Variants in FBL observed in about 807,000 individuals in gnomAD.
FBL encodes fibrillarin rRNA 2'-O-methyltransferase, also known as rRNA 2'-O-methyltransferase fibrillarin.
In FBL, 10 loss-of-function variants were observed where a neutral mutation model predicts 42.2. The ratio of observed to expected loss-of-function variants is 0.24; its 90% CI spans 0.15 to 0.40. The LOEUF (loss-of-function observed/expected upper bound fraction) is 0.40. FBL is among the 10% of genes least tolerant of loss of function. FBL has a pLI of 1.00. For missense variants in FBL, 351 were observed against 439.2 expected, an observed-to-expected ratio of 0.80 and a Z score of 1.79; for synonymous variants, 165 against 165.4, an observed-to-expected ratio of 1.00 and a Z score of 0.02.
chr19:39,842,319 C>A (rs560795921), intron 1 of FBL, among the ~76,000 whole-genome samples: 1 of 152,316 alleles, frequency 6.6e-6, no homozygotes, highest in South Asian at 2.1e-4. Context: ...ATCTCCTGAC[C>A]TCTTGATCCG....
chr19:39,844,282 C>A (rs995927152), intron 1 of FBL, among the ~76,000 whole-genome samples: 2 of 152,110 alleles, frequency 1.3e-5, no homozygotes, highest in Non-Finnish European at 2.9e-5. Flanking sequence ...TCAACCCAGG[C>A]CTAACAGAAA....
At chr19:39,835,589 T>C (rs974134330) in intron 7 of FBL, among the ~76,000 whole-genome samples, 4 of 152,134 alleles carry the variant, frequency 2.6e-5, no homozygotes, top group Non-Finnish European at 5.9e-5. Context: ...CTGCATAAAA[T>C]GGGCTAAGAC....
chr19:39,840,378 C>CCGAAGCTCAGCCGGCTCCCTGCCT lies in FBL; in HGVS notation c.283+12_283+35dup, dbSNP rs752353507. The CCGAAGCTCAGCCGGCTCCCTGCCT allele has an allele frequency of 1.9e-6, 3 of 1,613,114 alleles. No homozygotes were observed. The East Asian group carries it at 6.7e-5, about 36-fold the overall frequency. ...TGAGGACCCCCAGCCTCTCCCTGCC[C>CCGAAGCTCAGCCGGCTCCCTGCCT]CGAAGCTCAGCCGGCTCCCTGCCTT... On this transcript the variant is annotated intron_variant, in intron 3 of 8. Transcript: ENST00000221801. This position sits in a 1 kb window ranked among gnomAD's most constrained non-coding sequence, Gnocchi z 4.5.
chr19:39,845,494 T>C (rs1255401836), intron 1 of FBL, among the ~76,000 whole-genome samples: 1 of 152,196 alleles, frequency 6.6e-6, no homozygotes, highest in African/African-American at 2.4e-5. Context: ...CACACTGAAC[T>C]GAGGCCCTTC....
At chr19:39,842,512 C>T (rs1047510471) in intron 1 of FBL, among the ~76,000 whole-genome samples, 11 of 152,054 alleles carry the variant, frequency 7.2e-5, no homozygotes, top group African/African-American at 2.4e-4. Flanking sequence ...TAAAAATGAA[C>T]GGTTTCATTT....
Position 39,840,311 on chromosome 19 carries a change from T to G in FBL, c.300A>C (p.Arg100=). ...PHRHEGVFIC[R]GKEDALVTKN... ...TGGTGACCAGTGCATCTTCCTTTCC[T>G]CGACAAATGAAGACACCTGGGTGAG... The change falls in exon 4 of 9, where the codon CGA becomes CGC. Residue 100 remains arginine, a synonymous_variant. Transcript: ENST00000221801. The surrounding 1 kb of genome is among the most constrained non-coding windows in gnomAD (Gnocchi z 4.5). 1 of 1,613,964 alleles carries G rather than the reference T, an allele frequency of 6.2e-7. No individual in the cohort carries two copies.
rs764031942 is a variant in FBL at position 39,834,515 on chromosome 19, C to T, written c.*23G>A. 3.7e-6 allele frequency: 6 copies of T among 1,613,794 alleles called. No homozygotes were observed. Among genetic ancestry groups the T allele is most frequent in the Middle Eastern group, 1.6e-4 (1 of 6,074 alleles). The stretch of plus-strand genomic sequence containing the variant: ...TGCAACAGTATCAACACACATCTCT[C>T]GCAATCCTGACAGCGCTGAACTTCA... On this transcript the variant is annotated 3_prime_UTR_variant, in exon 9 of 9. Coordinates refer to ENST00000221801, the MANE Select transcript of FBL (RefSeq NM_001436.4).
chr19:39,845,842 C>T (rs1380579922), intron 1 of FBL, among the ~76,000 whole-genome samples: 2 of 152,154 alleles, frequency 1.3e-5, no homozygotes, highest in African/African-American at 4.8e-5. Context: ...GTGGTGGCAG[C>T]GACAGGGAAG....
At chr19:39,842,582 C>T (rs768178165) in intron 1 of FBL, among the ~76,000 whole-genome samples, 11 of 152,138 alleles carry the variant, frequency 7.2e-5, no homozygotes, top group Non-Finnish European at 1.3e-4. Context: ...CTCTACAGTC[C>T]ACTTTTCACA....
At position 39,836,959 on chromosome 19, in the gene FBL, G is replaced by C. The variant is rs75737109; in HGVS notation, c.683-291C>G. Among the ~76,000 whole-genome samples, 915 of 152,286 alleles carry C rather than the reference G, an allele frequency of 6.0e-3. 7 individuals carry two copies. Among genetic ancestry groups the C allele is most frequent in the African/African-American group, 0.018 (765 of 41,550 alleles). ...CGAGTCAGACCCGGACCCTGCCCTC[G>C]AGACGCTCCCAGGTCTGGTGGGGAG... On this transcript the variant is annotated intron_variant, in intron 6 of 8. Coordinates refer to ENST00000221801, the MANE Select transcript of FBL (RefSeq NM_001436.4).
chr19:39,840,369 C>G lies in FBL; in HGVS notation c.284-42G>C. The G allele has an allele frequency of 6.2e-7, 1 of 1,611,750 alleles. No individual in the cohort carries two copies. The highest frequency in any genetic ancestry group is 8.5e-7 in the Non-Finnish European group (1 of 1,177,816). ...GAGCAGGGGTGAGGACCCCCAGCCTCTCCCTGCCCCGAAGCTCAGCCGGCT... is the reference window on the plus strand; with the variant it reads ...GAGCAGGGGTGAGGACCCCCAGCCTGTCCCTGCCCCGAAGCTCAGCCGGCT... On this transcript the variant is annotated intron_variant, in intron 3 of 8. Transcript: ENST00000221801. This position sits in a 1 kb window ranked among gnomAD's most constrained non-coding sequence, Gnocchi z 4.5.
At chr19:39,839,473 T>C (rs530118231) in intron 4 of FBL, among the ~76,000 whole-genome samples, 60 of 152,310 alleles carry the variant, frequency 3.9e-4, no homozygotes, top group Non-Finnish European at 5.1e-4. Context: ...ACCTACTGTG[T>C]GCCAGACCCT....
chr19:39,838,866 G>A (rs1450383254), intron 5 of FBL, 169 bp downstream of exon 5: 3 of 631,264 alleles, frequency 4.8e-6, no homozygotes, highest in Non-Finnish European at 8.1e-6. Context: ...GAGTGAGGTT[G>A]AATGACATTA....
intron 1 of FBL, among the ~76,000 whole-genome samples, chr19:39,842,397 T>C (rs949973274): frequency 6.6e-6 from 1 of 152,250 alleles, no homozygotes; most frequent in Non-Finnish European, 1.5e-5. Context: ...TGCTCATGTT[T>C]TTTGTAAAGA....
In FBL at chr19:39,834,552, T is replaced by G. The variant is rs1568537844; in HGVS notation, c.952A>C (p.Lys318Gln). Residue 318 changes from lysine to glutamine, a missense_variant, in exon 9 of 9, where the codon AAG becomes CAG. Physicochemically the swap from Lys to Gln is moderately conservative, Grantham distance 53. Transcript: ENST00000221801. The stretch of plus-strand genomic sequence containing the variant: ...AGCGCTGAACTTCAGTTCTTCACCT[T>G]GGGGGGTGGCCTGTGAGAGGAAGAT... ...VVVGVYRPPP[K>Q]VKN The G allele has an allele frequency of 6.2e-7, 1 of 1,614,074 alleles. No homozygotes were observed. The highest frequency in any genetic ancestry group is 8.5e-7 in the Non-Finnish European group (1 of 1,180,002).
chr19:39,837,847 A>G lies in FBL; in HGVS notation c.550-4T>C. On this transcript the variant is annotated splice_polypyrimidine_tract_variant and splice_region_variant and intron_variant, in intron 5 of 8. Coordinates refer to ENST00000221801, the MANE Select transcript of FBL (RefSeq NM_001436.4). ...CGACTGCATAGACTAGACCATCCTA[A>G]AATAAATTAAAAATTAATGAACAGT... is the stretch of plus-strand genomic sequence containing the variant. 1 of 1,613,166 alleles carries G rather than the reference A, an allele frequency of 6.2e-7. No individual in the cohort carries two copies. The highest frequency in any genetic ancestry group is 8.5e-7 in the Non-Finnish European group (1 of 1,179,506).
chr19:39,835,802 T>C (rs1329442147), intron 7 of FBL, among the ~76,000 whole-genome samples: 1 of 152,146 alleles, frequency 6.6e-6, no homozygotes, highest in Non-Finnish European at 1.5e-5. Context: ...GGCACACGCC[T>C]GTAGTCCCAG....
At chr19:39,835,037 G>A (rs1438963223) in intron 7 of FBL, among the ~76,000 whole-genome samples, 1 of 152,222 alleles carries the variant, frequency 6.6e-6, no homozygotes, top group Non-Finnish European at 1.5e-5. Context: ...CTGCCTTCCT[G>A]AATAGAGTAA....
At chr19:39,839,983 G>A (rs942246185) in intron 4 of FBL, among the ~76,000 whole-genome samples, 7 of 151,720 alleles carry the variant, frequency 4.6e-5, no homozygotes, top group Non-Finnish European at 2.9e-5. Context: ...TAGTGAAGGA[G>A]ACAAAGCCAG....
Sources: allele counts gnomAD v4.1 joint callset (sites outside exome capture counted in the v4.1 genomes callset), GRCh38; gene constraint gnomAD v4.1.1; non-coding constraint Gnocchi (gnomAD v3.1); transcripts MANE v1.5; gene names NCBI Gene and HGNC (gene_info 2026-07-23, HGNC 2026-07-21).